The following SLC5A8 variants were observed in gnomAD, a reference collection of about 807,000 sequenced individuals.
SLC5A8 encodes the protein sodium-coupled monocarboxylate transporter 1.
A neutral mutation model predicts 71.9 loss-of-function variants in SLC5A8; 55 were observed. That is an observed-to-expected ratio of 0.77 (90% CI 0.62 to 0.96). The LOEUF is 0.96. Among genes scored for constraint, SLC5A8 ranks in the 40% least tolerant of loss-of-function variants. The pLI is 0.00. For synonymous variants in SLC5A8, 307 were observed against 276.1 expected, an observed-to-expected ratio of 1.11 and a Z score of -1.11; for missense variants, 701 against 745.3, an observed-to-expected ratio of 0.94 and a Z score of 0.69.
At chr12:101,187,757 C>T (rs1868720910) in intron 6 of SLC5A8, among the ~76,000 whole-genome samples, 1 of 151,712 alleles carries the variant, frequency 6.6e-6, no homozygotes, top group Non-Finnish European at 1.5e-5. Context: ...AGAGTGTATG[C>T]TCGTGGTCGG....
At chr12:101,188,866 G>A (rs1339426260) in intron 6 of SLC5A8, among the ~76,000 whole-genome samples, 1 of 152,126 alleles carries the variant, frequency 6.6e-6, no homozygotes, top group Non-Finnish European at 1.5e-5. Flanking sequence ...TTATATATGA[G>A]TTTAATATAT....
At position 101,210,044 on chromosome 12, in the gene SLC5A8, C is replaced by T. The variant is rs926819241; in HGVS notation, c.-196G>A. The T allele has an allele frequency of 2.0e-5, 10 of 493,644 alleles. No homozygotes were observed. Among genetic ancestry groups the T allele is most frequent in the Non-Finnish European group, 3.5e-5 (10 of 287,128 alleles). 30.6% of individuals were successfully genotyped at this position (493,644 alleles called of 1,614,324 possible). On this transcript the variant is annotated 5_prime_UTR_variant, in exon 1 of 15. Transcript: ENST00000536262. ...GGGCTGGCAGTCGCCCCTGCACCCGCCGCTGCGAGCCGCGCCCCTCAAACC... is the reference window on the plus strand; with the variant it reads ...GGGCTGGCAGTCGCCCCTGCACCCGTCGCTGCGAGCCGCGCCCCTCAAACC...
In SLC5A8 at chr12:101,209,489, G is replaced by A; in HGVS notation, c.351+9C>T. ...GCCCTGCATGGTCCCAGCCCACCCT[G>A]CCCCTTACCTCGTAGGTGCTGGTAA... On this transcript the variant is annotated intron_variant, in intron 1 of 14. Coordinates refer to ENST00000536262, the MANE Select transcript of SLC5A8 (RefSeq NM_145913.5). The A allele has an allele frequency of 6.6e-7, 1 of 1,506,968 alleles. No individual in the cohort carries two copies. The highest frequency in any genetic ancestry group is 9.1e-7 in the Non-Finnish European group (1 of 1,098,952). The allele number at this position is 1,506,968 out of a possible 1,614,324, so 93.3% of individuals were successfully genotyped here. A position where few individuals can be genotyped will look rare whatever the true frequency, so the allele number is the denominator to read the frequency against.
rs1478312267 is a variant in SLC5A8, at chr12:101,204,541, A to G, written c.376T>C (p.Cys126Arg). The G allele has an allele frequency of 1.2e-6, 2 of 1,601,452 alleles. No homozygotes were observed. Among genetic ancestry groups the G allele is most frequent in the East Asian group, 4.5e-5 (2 of 44,612 alleles). ...AGGACTGTTCCACAGAGACGAACAC[A>G]TTTGTTAAATCGAAGTTCTAAATAC... ...YEYLELRFNK[C>R]VRLCGTVLFI... is the part of the protein sequence containing the mutation. Residue 126 changes from cysteine (C) to arginine (R), a missense_variant, in exon 2 of 15, where the codon TGT (cysteine) becomes CGT (arginine). By Grantham distance (180) the Cys-to-Arg change is radical. Transcript: ENST00000536262.
chr12:101,175,883 G>T (rs2051875491), intron 10 of SLC5A8, among the ~76,000 whole-genome samples: 1 of 152,108 alleles, frequency 6.6e-6, no homozygotes, highest in East Asian at 1.9e-4. Context: ...TTTCTAAACA[G>T]AAAGGAAATG....
chr12:101,156,795 C>G lies in SLC5A8; in HGVS notation c.*484G>C, dbSNP rs2051666740. ...TGATAGGGGGATAAAAAGCAAAGAT[C>G]TAGACAACACAGACCTGTTACCTCA... On this transcript the variant is annotated 3_prime_UTR_variant, in exon 15 of 15. Coordinates refer to ENST00000536262, the MANE Select transcript of SLC5A8 (RefSeq NM_145913.5). 6.5e-6 allele frequency: 1 copy of G among 154,974 alleles called. No individual in the cohort carries two copies. Among genetic ancestry groups the G allele is most frequent in the African/African-American group, 2.4e-5 (1 of 41,422 alleles). 9.6% of individuals were successfully genotyped at this position (154,974 alleles called of 1,614,324 possible). A position where few individuals can be genotyped will look rare whatever the true frequency, so the allele number is the denominator to read the frequency against.
chr12:101,209,227 C>T (rs1157053130), intron 1 of SLC5A8, among the ~76,000 whole-genome samples: 1 of 152,156 alleles, frequency 6.6e-6, no homozygotes, highest in African/African-American at 2.4e-5. Context: ...TGTTGCAATC[C>T]GTTCACTTTG....
chr12:101,163,421 A>G (rs529684711), intron 12 of SLC5A8, among the ~76,000 whole-genome samples: 41 of 152,204 alleles, frequency 2.7e-4, no homozygotes, highest in Non-Finnish European at 4.1e-4. Context: ...GCACACACCT[A>G]TAATCCCAGC....
chr12:101,189,681 T>C (rs1868814560), intron 6 of SLC5A8, among the ~76,000 whole-genome samples: 1 of 152,168 alleles, frequency 6.6e-6, no homozygotes, highest in African/African-American at 2.4e-5. Context: ...CTGTCCTTCC[T>C]ACCTCTGTGC....
intron 10 of SLC5A8, among the ~76,000 whole-genome samples, chr12:101,176,361 G>A (rs1264731445): frequency 1.3e-5 from 2 of 151,914 alleles, no homozygotes; most frequent in Non-Finnish European, 2.9e-5. Flanking sequence ...CACAATTATA[G>A]TTGAAGAATT....
intron 13 of SLC5A8, among the ~76,000 whole-genome samples, chr12:101,160,788 G>T (rs1369197520): frequency 6.6e-6 from 1 of 152,044 alleles, no homozygotes; most frequent in African/African-American, 2.4e-5. Context: ...AGACCTAAAA[G>T]ACACGGAGAG....
intron 10 of SLC5A8, among the ~76,000 whole-genome samples, chr12:101,178,852 G>T (rs534761551): frequency 6.0e-5 from 9 of 150,684 alleles, no homozygotes; most frequent in African/African-American, 2.2e-4. Context: ...GACAGACCCT[G>T]TTATGAGGAT....
chr12:101,209,905 G>T lies in SLC5A8; in HGVS notation c.-57C>A. 7.1e-7 allele frequency: 1 copy of T among 1,417,726 alleles called. No individual in the cohort carries two copies. Among genetic ancestry groups the T allele is most frequent in the Non-Finnish European group, 9.3e-7 (1 of 1,073,320 alleles). The allele number at this position is 1,417,726 out of a possible 1,614,324, so 87.8% of individuals were successfully genotyped here. On this transcript the variant is annotated 5_prime_UTR_variant, in exon 1 of 15. Coordinates refer to ENST00000536262, the MANE Select transcript of SLC5A8 (RefSeq NM_145913.5). Reference sequence around the variant, plus strand: ...ACTGGTGGCCCCGCGGCGCGCAGCCGGAGCCCGGCGCGCACTTCTTATCCC... The same window carrying T: ...ACTGGTGGCCCCGCGGCGCGCAGCCTGAGCCCGGCGCGCACTTCTTATCCC...
intron 8 of SLC5A8, among the ~76,000 whole-genome samples, 186 bp from the exon 9 acceptor site, chr12:101,183,101 A>G (rs998128314): frequency 1.6e-5 from 2 of 122,164 alleles, no homozygotes; most frequent in Non-Finnish European, 3.1e-5. Flanking sequence ...GCTGGAGTGC[A>G]ATGGCATGAT....
rs189644494 is a variant in SLC5A8, at chr12:101,158,136, T to C, written c.1710+113A>G. Reference sequence around the variant, plus strand: ...ATATAGATCATCAGATTATATAGGGTCTATACCTTCCTTGTCCATCACTTT... The same window carrying C: ...ATATAGATCATCAGATTATATAGGGCCTATACCTTCCTTGTCCATCACTTT... On this transcript the variant is annotated intron_variant, in intron 14 of 14. Coordinates refer to ENST00000536262, the MANE Select transcript of SLC5A8 (RefSeq NM_145913.5). 154 of 766,064 alleles carry C rather than the reference T, an allele frequency of 2.0e-4. No individual in the cohort carries two copies. The African/African-American group carries it at 2.3e-3, about 12-fold the overall frequency. 47.5% of individuals were successfully genotyped at this position (766,064 alleles called of 1,614,324 possible). A position where few individuals can be genotyped will look rare whatever the true frequency, so the allele number is the denominator to read the frequency against.
chr12:101,209,489 G>GC lies in SLC5A8; in HGVS notation c.351+8dup. ...GCCCTGCATGGTCCCAGCCCACCCT[G>GC]CCCCTTACCTCGTAGGTGCTGGTAA... On this transcript the variant is annotated intron_variant, in intron 1 of 14. Transcript: ENST00000536262. 6.6e-7 allele frequency: 1 copy of GC among 1,506,954 alleles called. No individual in the cohort carries two copies. Among genetic ancestry groups the GC allele is most frequent in the Non-Finnish European group, 9.1e-7 (1 of 1,098,942 alleles). The allele number at this position is 1,506,954 out of a possible 1,614,324, so 93.3% of individuals were successfully genotyped here.
At chr12:101,180,503 A>C (rs989896137) in intron 9 of SLC5A8, among the ~76,000 whole-genome samples, 2 of 152,244 alleles carry the variant, frequency 1.3e-5, no homozygotes, top group Non-Finnish European at 2.9e-5. Flanking sequence ...AGGTGAGAGA[A>C]GGAGTAATAA....
chr12:101,198,676 G>A (rs984141390), intron 3 of SLC5A8, among the ~76,000 whole-genome samples: 1 of 151,902 alleles, frequency 6.6e-6, no homozygotes, highest in African/African-American at 2.4e-5. Context: ...AGTAGGCCCA[G>A]ATGCCTTCAG....
chr12:101,196,450 G>T (rs917652569), intron 3 of SLC5A8, among the ~76,000 whole-genome samples: 1 of 152,054 alleles, frequency 6.6e-6, no homozygotes, highest in Non-Finnish European at 1.5e-5. Flanking sequence ...AGAAAACAGG[G>T]TAGAGAAGAC....
Sources: gnomAD v4.1 joint callset for allele counts (sites outside exome capture counted in the v4.1 genomes callset) on GRCh38, gnomAD v4.1.1 for gene constraint, MANE v1.5 for transcripts, NCBI Gene and HGNC (gene_info 2026-07-23, HGNC 2026-07-21) for gene names.